The following POLE2 variants were observed in gnomAD, a reference collection of about 807,000 sequenced individuals.
The protein encoded by POLE2 is DNA polymerase epsilon subunit 2.
In POLE2, 56 loss-of-function variants were observed where a neutral mutation model predicts 79.4. That is an observed-to-expected ratio of 0.71 (90% CI 0.57 to 0.88). The LOEUF (loss-of-function observed/expected upper bound fraction) is 0.88. Ranked by LOEUF, POLE2 falls within the 40% of genes least tolerant of loss-of-function variation. The pLI is 0.00. For synonymous variants in POLE2, 212 were observed against 214.0 expected (o/e 0.99, Z 0.08); for missense variants, 598 against 638.9 (o/e 0.94, Z 0.69).
intron 2 of POLE2, among the ~76,000 whole-genome samples, chr14:49,683,232 T>C (rs543126222): frequency 5.5e-4 from 83 of 152,106 alleles, no homozygotes; most frequent in Admixed American, 2.2e-3. Context: ...TGAAACCCCA[T>C]CTCTACTAAA....
chr14:49,663,796 A>C (rs942964227), intron 9 of POLE2, among the ~76,000 whole-genome samples: 2 of 152,064 alleles, frequency 1.3e-5, no homozygotes, highest in African/African-American at 4.8e-5. Context: ...TGGGAGGCTG[A>C]GGCGGGCGGA....
chr14:49,670,105 C>G (rs1047458917), intron 5 of POLE2, among the ~76,000 whole-genome samples: 10 of 152,102 alleles, frequency 6.6e-5, no homozygotes, highest in African/African-American at 2.4e-4. Context: ...CACCTGAGGT[C>G]AGGAGTTCGA....
intron 10 of POLE2, among the ~76,000 whole-genome samples, chr14:49,660,898 A>T (rs938898383): frequency 6.6e-6 from 1 of 152,188 alleles, no homozygotes; most frequent in Non-Finnish European, 1.5e-5. Context: ...TCTTAAAAAA[A>T]GTTTGTGACC....
intron 17 of POLE2, among the ~76,000 whole-genome samples, chr14:49,648,180 A>G (rs549185474): frequency 6.6e-6 from 1 of 152,332 alleles, no homozygotes; most frequent in African/African-American, 2.4e-5. Context: ...TGAAACTCTC[A>G]CGTGGCTGAG....
At chr14:49,677,706 G>A (rs1886385295) in intron 3 of POLE2, 1 of 1,379,986 alleles carries the variant, frequency 7.2e-7, no homozygotes, top group Non-Finnish European at 9.9e-7. Flanking sequence ...AAACGTGACA[G>A]TGTGGCCCTT....
chr14:49,673,943 C>T (rs979644817), intron 5 of POLE2, among the ~76,000 whole-genome samples, 180 bp downstream of exon 5: 17 of 152,138 alleles, frequency 1.1e-4, no homozygotes, highest in Non-Finnish European at 2.2e-4. Context: ...ATAGCTTTTT[C>T]ATCTCTGTAT....
Position 49,650,369 on chromosome 14 carries a change from A to G in POLE2, c.1393T>C (p.Tyr465His). The G allele has an allele frequency of 6.2e-7, 1 of 1,605,754 alleles. No individual in the cohort carries two copies. The highest frequency in any genetic ancestry group is 8.5e-7 in the Non-Finnish European group (1 of 1,173,698). The change falls in exon 17 of 19, where the codon TAT (tyrosine) becomes CAT (histidine). Residue 465 changes from tyrosine to histidine, a missense_variant. Transcript: ENST00000216367. ...GGATACACTCTCAAAGCATAGTCAT[A>G]TGCCCAATACACTGGGCAGACATAA... ...PLYVCPVYWA[Y>H]DYALRVYPVP...
rs1370357055 is a variant in POLE2, at chr14:49,663,469, G to T, written c.683-82C>A. 9 of 898,428 alleles carry T rather than the reference G, an allele frequency of 1.0e-5. No individual in the cohort carries two copies. The African/African-American group carries it at 1.3e-4, about 13-fold the overall frequency. 55.7% of individuals were successfully genotyped at this position (898,428 alleles called of 1,614,324 possible). A position where few individuals can be genotyped will look rare whatever the true frequency, so the allele number is the denominator to read the frequency against. On this transcript the variant is annotated intron_variant, in intron 9 of 18. Coordinates refer to ENST00000216367, the MANE Select transcript of POLE2 (RefSeq NM_002692.4). ...AATTATGTTACAACAAAGCAATAAT[G>T]CCAGGCTAGTCTCATGCCCTGTGAA... is the stretch of plus-strand genomic sequence containing the variant.
At chr14:49,643,725 A>G (rs1883557580) in intron 18 of POLE2, 55 bp from the exon 19 acceptor site, 3 of 892,256 alleles carry the variant, frequency 3.4e-6, no homozygotes. Flanking sequence ...ATACTTACTA[A>G]TAGTTGTAGT....
intron 10 of POLE2, among the ~76,000 whole-genome samples, chr14:49,661,032 C>T (rs984478071): frequency 6.6e-6 from 1 of 152,032 alleles, no homozygotes; most frequent in African/African-American, 2.4e-5. Flanking sequence ...AAAGTTCAAG[C>T]GATTCTCTCA....
At chr14:49,686,955 T>G (rs560269458) in intron 1 of POLE2, among the ~76,000 whole-genome samples, 7 of 152,162 alleles carry the variant, frequency 4.6e-5, no homozygotes, top group African/African-American at 1.7e-4. Flanking sequence ...CAGAGAGGTA[T>G]ATCCAATCCA....
intron 6 of POLE2, among the ~76,000 whole-genome samples, chr14:49,668,536 G>A (rs1885654321): frequency 6.6e-6 from 1 of 151,816 alleles, no homozygotes; most frequent in Non-Finnish European, 1.5e-5. Flanking sequence ...TTTTGCAATT[G>A]GTAAAAGGAT....
At chr14:49,672,787 C>T (rs1262093041) in intron 5 of POLE2, among the ~76,000 whole-genome samples, 1 of 152,200 alleles carries the variant, frequency 6.6e-6, no homozygotes, top group Non-Finnish European at 1.5e-5. Context: ...GCGTGAGCCA[C>T]TGCGCCTAGC....
chr14:49,647,190 G>A, intron 18 of POLE2, 103 bp downstream of exon 18: 1 of 660,262 alleles, frequency 1.5e-6, no homozygotes, highest in Non-Finnish European at 2.7e-6. Context: ...ATGGGCCACT[G>A]TAGACATTTT....
chr14:49,684,161 A>G (rs546634374), intron 1 of POLE2, among the ~76,000 whole-genome samples: 1 of 152,298 alleles, frequency 6.6e-6, no homozygotes, highest in African/African-American at 2.4e-5. Context: ...CAATTGTAAA[A>G]TAAGAAAAAA....
intron 2 of POLE2, among the ~76,000 whole-genome samples, chr14:49,682,822 C>T (rs537545710): frequency 6.7e-6 from 1 of 149,700 alleles, no homozygotes; most frequent in African/African-American, 2.5e-5. Flanking sequence ...ACTAGCCATT[C>T]TATTAAAAAA....
At chr14:49,671,644 T>A (rs1357734144) in intron 5 of POLE2, among the ~76,000 whole-genome samples, 26 of 118,606 alleles carry the variant, frequency 2.2e-4, no homozygotes, top group African/African-American at 7.8e-4. Flanking sequence ...AAAAAAGACG[T>A]ACTACTGGGT....
At chr14:49,647,545 C>T (rs925677444) in intron 17 of POLE2, among the ~76,000 whole-genome samples, 185 bp from the exon 18 acceptor site, 17 of 151,914 alleles carry the variant, frequency 1.1e-4, no homozygotes, top group South Asian at 2.1e-4. Context: ...CCTCCATTTC[C>T]GGGATTCAAG....
intron 10 of POLE2, among the ~76,000 whole-genome samples, chr14:49,658,170 G>A (rs1394389891): frequency 2.6e-5 from 4 of 151,692 alleles, no homozygotes; most frequent in Non-Finnish European, 2.9e-5. Context: ...TCTGCCTCCC[G>A]GGTTCATGCC....
Sources: gnomAD v4.1 joint callset for allele counts (sites outside exome capture counted in the v4.1 genomes callset) on GRCh38, gnomAD v4.1.1 for gene constraint, MANE v1.5 for transcripts, NCBI Gene and HGNC (gene_info 2026-07-23, HGNC 2026-07-21) for gene names.